PLCG2: variants seen among roughly 807,000 people sequenced by gnomAD.
PLCG2 encodes 1-phosphatidylinositol 4,5-bisphosphate phosphodiesterase gamma-2.
A neutral mutation model predicts 175.6 loss-of-function variants in PLCG2; 69 were observed. The ratio of observed to expected loss-of-function variants is 0.39; its 90% CI spans 0.32 to 0.48. PLCG2 has a LOEUF of 0.48. Ranked by LOEUF, PLCG2 falls within the 20% of genes least tolerant of loss-of-function variation. The pLI, the probability that PLCG2 is intolerant of heterozygous loss-of-function variation, is 0.91. For missense variants in PLCG2, 1,798 were observed against 1,650.9 expected (o/e 1.09, Z -1.54); for synonymous variants, 827 against 624.0 (o/e 1.33, Z -4.85).
intron 11 of PLCG2, among the ~76,000 whole-genome samples, chr16:81,892,911 G>T (rs1234101884): frequency 1.3e-5 from 2 of 149,752 alleles, no homozygotes; most frequent in Admixed American, 1.3e-4. Flanking sequence ...GCATTGGTGC[G>T]ATCTCAGCTC....
At chr16:81,887,998 T>G in intron 9 of PLCG2, among the ~76,000 whole-genome samples, 1 of 151,682 alleles carries the variant, frequency 6.6e-6, no homozygotes, top group East Asian at 1.9e-4. Flanking sequence ...AGAGGGCATA[T>G]GATTACATTC....
At chr16:81,800,189 T>C (rs1355250301) in intron 2 of PLCG2, among the ~76,000 whole-genome samples, 1 of 152,214 alleles carries the variant, frequency 6.6e-6, no homozygotes, top group East Asian at 1.9e-4. Context: ...TAAGAGCTAC[T>C]ATTGCTATTA....
At chr16:81,946,327 C>A in intron 31 of PLCG2, 64 bp downstream of exon 31, 1 of 1,144,110 alleles carries the variant, frequency 8.7e-7, no homozygotes, top group Non-Finnish European at 1.3e-6. Context: ...GTAGAAACGG[C>A]CCGTGAATAC....
chr16:81,774,512 C>G (rs1000010854), upstream of PLCG2, among the ~76,000 whole-genome samples: 2 of 152,162 alleles, frequency 1.3e-5, no homozygotes, highest in African/African-American at 4.8e-5. Context: ...CAGCCAGCAG[C>G]TGGGACTCGG....
exon 1 of PLCG2, chr16:81,739,171 C>G (rs955742118): frequency 6.6e-6 from 1 of 152,220 alleles, no homozygotes; most frequent in Non-Finnish European, 1.5e-5. Flanking sequence ...TCTCCCAGCA[C>G]CTGCGGCTGT....
At position 81,872,163 on chromosome 16, in the gene PLCG2, A is replaced by T. The variant is rs1053242045; in HGVS notation, c.648+1228A>T. ...GTCAACATGGCAAAACCCCATCTCT[A>T]CTAAAAATACAAAAATTAGCCAGGC... On this transcript the variant is annotated intron_variant, in intron 7 of 32. Coordinates refer to ENST00000564138, the MANE Select transcript of PLCG2 (RefSeq NM_002661.5). Among the ~76,000 whole-genome samples, 6 of 152,132 alleles carry T rather than the reference A, an allele frequency of 3.9e-5. No homozygotes were observed. The East Asian group carries it at 1.2e-3, about 29-fold the overall frequency.
Position 81,940,854 on chromosome 16 carries a change from GA to G in PLCG2, c.3481+796del, listed in dbSNP as rs1910912202. 2.0e-5 allele frequency among the ~76,000 whole-genome samples: 3 copies of G among 152,274 alleles called. No homozygotes were observed. The South Asian group carries it at 6.2e-4, about 32-fold the overall frequency. On this transcript the variant is annotated intron_variant, in intron 30 of 32. Coordinates refer to ENST00000564138, the MANE Select transcript of PLCG2 (RefSeq NM_002661.5). Reference sequence around the variant, plus strand: ...CTTTCCCACTGGATCTTTCCCACTGGATTTTAGGTATAATATTTGACAAATA... The same window carrying G: ...CTTTCCCACTGGATCTTTCCCACTGGTTTTAGGTATAATATTTGACAAATA...
intron 11 of PLCG2, among the ~76,000 whole-genome samples, chr16:81,891,908 T>C (rs1262461635): frequency 4.6e-5 from 7 of 152,220 alleles, no homozygotes; most frequent in African/African-American, 1.4e-4. Context: ...CATCTCACAG[T>C]AGCCACAGCA....
At chr16:81,880,496 G>T (rs374861135) in intron 7 of PLCG2, among the ~76,000 whole-genome samples, 1 of 152,172 alleles carries the variant, frequency 6.6e-6, no homozygotes, top group African/African-American at 2.4e-5. Context: ...CATGCTTATT[G>T]TGGAATACAA....
At chr16:81,824,113 TTCCCTCCC>T (rs1192728403) in intron 2 of PLCG2, among the ~76,000 whole-genome samples, 2 of 140,468 alleles carry the variant, frequency 1.4e-5, no homozygotes, top group East Asian at 4.9e-4. Flanking sequence ...CTTTCCCTCC[TTCCCTCCC>T]TCCCTCCCTC....
At chr16:81,843,699 A>T (rs187158612) in intron 2 of PLCG2, among the ~76,000 whole-genome samples, 193 of 152,306 alleles carry the variant, frequency 1.3e-3, no homozygotes, top group Non-Finnish European at 2.1e-3. Context: ...CTATCCTCCA[A>T]CTACCTTGTA....
chr16:81,865,335 G>A (rs547897040), intron 5 of PLCG2, among the ~76,000 whole-genome samples: 1 of 152,184 alleles, frequency 6.6e-6, no homozygotes, highest in African/African-American at 2.4e-5. Context: ...GCTGGTTTTG[G>A]TCGGGCTGTG....
chr16:81,846,970 G>A (rs1258561928), intron 2 of PLCG2, among the ~76,000 whole-genome samples: 1 of 152,084 alleles, frequency 6.6e-6, no homozygotes, highest in Non-Finnish European at 1.5e-5. Flanking sequence ...GTTCAATTCT[G>A]ATACTATCTA....
upstream of PLCG2, among the ~76,000 whole-genome samples, chr16:81,774,595 T>C (rs1462529315): frequency 6.6e-6 from 1 of 151,828 alleles, no homozygotes; most frequent in Admixed American, 6.6e-5. Context: ...TCCAGGGGGT[T>C]TTCTGGTCAT....
chr16:81,772,000 C>A (rs1597309165), intron 2 of PLCG2, among the ~76,000 whole-genome samples: 1 of 152,234 alleles, frequency 6.6e-6, no homozygotes, highest in Middle Eastern at 3.4e-3. Context: ...CCAGGCTGGT[C>A]TTAAACTCCT....
intron 2 of PLCG2, among the ~76,000 whole-genome samples, chr16:81,809,681 C>T (rs72834754): frequency 0.13 from 19,987 of 152,072 alleles, 1,649 homozygotes; most frequent in Admixed American, 0.18. Context: ...CTGTTCCCTG[C>T]GGTGTGTGAG....
chr16:81,811,724 A>G (rs998434262), intron 2 of PLCG2, among the ~76,000 whole-genome samples: 2 of 152,136 alleles, frequency 1.3e-5, no homozygotes, highest in Non-Finnish European at 2.9e-5. Flanking sequence ...GTTGCATAGT[A>G]TTCCATGGTG....
intron 2 of PLCG2, among the ~76,000 whole-genome samples, chr16:81,821,540 T>C (rs972365219): frequency 1.3e-5 from 2 of 152,180 alleles, no homozygotes; most frequent in Non-Finnish European, 2.9e-5. Flanking sequence ...GGTTTTCCTT[T>C]TGAGGTGGGT....
chr16:81,937,561 C>G, intron 27 of PLCG2, 197 bp from the exon 28 acceptor site: 1 of 434,646 alleles, frequency 2.3e-6, no homozygotes, highest in Admixed American at 4.1e-5. Context: ...TGGTGACATA[C>G]TTGGAAAGGT....
Sources: allele counts gnomAD v4.1 joint callset (sites outside exome capture counted in the v4.1 genomes callset), GRCh38; gene constraint gnomAD v4.1.1; transcripts MANE v1.5; gene names NCBI Gene and HGNC (gene_info 2026-07-23, HGNC 2026-07-21).